Variants in RAB3C observed in about 807,000 individuals in gnomAD.
RAB3C encodes the protein ras-related protein Rab-3C.
Under a neutral mutation model 26.4 loss-of-function variants are expected in RAB3C, and 17 were observed. That is an observed-to-expected ratio of 0.64 (90% CI 0.44 to 0.97). The LOEUF (loss-of-function observed/expected upper bound fraction) is 0.97, where lower values mean the gene tolerates loss of function less well. Ranked by LOEUF, RAB3C falls within the 50% of genes least tolerant of loss-of-function variation. The probability of loss-of-function intolerance (pLI) is 0.00; values close to 1 mark genes in which losing one functional copy is unlikely to be tolerated. For missense variants in RAB3C, 242 were observed against 281.9 expected (o/e 0.86, Z 1.01); for synonymous variants, 91 against 95.9 (o/e 0.95, Z 0.30).
At chr5:58,702,215 T>C (rs1438894806) in intron 2 of RAB3C, among the ~76,000 whole-genome samples, 1 of 152,206 alleles carries the variant, frequency 6.6e-6, no homozygotes, top group Non-Finnish European at 1.5e-5. Flanking sequence ...CTTTCATAAT[T>C]TCTGTTATAG....
intron 3 of RAB3C, among the ~76,000 whole-genome samples, chr5:58,817,920 C>T (rs1036818042): frequency 1.3e-5 from 2 of 152,156 alleles, no homozygotes; most frequent in African/African-American, 4.8e-5. Context: ...AAAGCCAAAG[C>T]TCCCAAATAT....
At chr5:58,729,149 C>T (rs1196450654) in intron 3 of RAB3C, among the ~76,000 whole-genome samples, 1 of 151,978 alleles carries the variant, frequency 6.6e-6, no homozygotes, top group Non-Finnish European at 1.5e-5. Context: ...ACCTAGCGGA[C>T]TCTGCTATTA....
intron 2 of RAB3C, among the ~76,000 whole-genome samples, chr5:58,656,236 T>C (rs886566726): frequency 1.7e-4 from 26 of 152,192 alleles, no homozygotes; most frequent in Non-Finnish European, 7.3e-5. Context: ...AGTAGACTTA[T>C]AGCCCAAACC....
At chr5:58,678,175 CCTT>C (rs1354842519) in intron 2 of RAB3C, among the ~76,000 whole-genome samples, 3 of 151,952 alleles carry the variant, frequency 2.0e-5, no homozygotes, top group Non-Finnish European at 4.4e-5. Flanking sequence ...GGAACAATCT[CCTT>C]CTTTATGATG....
chr5:58,801,722 T>C (rs147170844), intron 3 of RAB3C, among the ~76,000 whole-genome samples: 2 of 152,388 alleles, frequency 1.3e-5, no homozygotes, highest in East Asian at 3.9e-4. Context: ...TTGGTTTGCT[T>C]GAAGCAGAGC....
intron 2 of RAB3C, among the ~76,000 whole-genome samples, chr5:58,653,226 T>C (rs1747696005): frequency 6.6e-6 from 1 of 152,162 alleles, no homozygotes; most frequent in African/African-American, 2.4e-5. Context: ...CATGCAGTGT[T>C]TGGTTTTCTG....
intron 1 of RAB3C, among the ~76,000 whole-genome samples, chr5:58,591,225 G>A (rs1746121827): frequency 6.6e-6 from 1 of 152,116 alleles, no homozygotes; most frequent in Non-Finnish European, 1.5e-5. Flanking sequence ...GTGCAGTGTA[G>A]TAGTCTCTAA....
At chr5:58,819,858 A>G (rs1003105381) in intron 3 of RAB3C, among the ~76,000 whole-genome samples, 9 of 152,034 alleles carry the variant, frequency 5.9e-5, no homozygotes, top group African/African-American at 2.2e-4. Flanking sequence ...ACACAGCAAG[A>G]CTCCACCTCA....
chr5:58,839,483 G>A (rs1019083329), intron 4 of RAB3C, among the ~76,000 whole-genome samples: 9 of 151,886 alleles, frequency 5.9e-5, no homozygotes, highest in Non-Finnish European at 1.2e-4. Context: ...ATATTCTCCT[G>A]CCTCAAACTC....
intron 1 of RAB3C, among the ~76,000 whole-genome samples, chr5:58,599,910 A>G (rs1308634692): frequency 6.6e-6 from 1 of 152,116 alleles, no homozygotes; most frequent in Non-Finnish European, 1.5e-5. Context: ...GTTCTTGGTC[A>G]TGAAATCCTT....
intron 2 of RAB3C, among the ~76,000 whole-genome samples, chr5:58,710,975 A>G (rs1749047911): frequency 6.6e-6 from 1 of 152,230 alleles, no homozygotes; most frequent in Non-Finnish European, 1.5e-5. Context: ...GAACACTCAT[A>G]TAATTCACTA....
rs778724445 is a variant in RAB3C at position 58,795,969 on chromosome 5, A to G, written c.372-29069A>G. On this transcript the variant is annotated intron_variant, in intron 3 of 4. Coordinates refer to ENST00000282878, the MANE Select transcript of RAB3C (RefSeq NM_138453.4). ...CACCAAAGGTTTGACTGTATTCTCTATAATTCCTAGGACAACTGCAAATTA... is the reference window on the plus strand; with the variant it reads ...CACCAAAGGTTTGACTGTATTCTCTGTAATTCCTAGGACAACTGCAAATTA... Among the ~76,000 whole-genome samples, 32 of 152,206 alleles carry G rather than the reference A, an allele frequency of 2.1e-4. 1 individual carries two copies. The highest frequency in any genetic ancestry group is 2.6e-4 in the Admixed American group (4 of 15,286).
chr5:58,813,961 A>G (rs1743157732), intron 3 of RAB3C, among the ~76,000 whole-genome samples: 1 of 152,222 alleles, frequency 6.6e-6, no homozygotes, highest in Non-Finnish European at 1.5e-5. Flanking sequence ...AAAATAGCTC[A>G]AAGATGACAA....
chr5:58,825,014 T>C, intron 3 of RAB3C, 24 bp from the exon 4 acceptor site: 4 of 1,564,492 alleles, frequency 2.6e-6, no homozygotes, highest in Non-Finnish European at 3.5e-6. Context: ...TCTGATTGTG[T>C]CATGCTTCTT....
chr5:58,722,257 T>C (rs1252691039), intron 2 of RAB3C, among the ~76,000 whole-genome samples: 1 of 151,764 alleles, frequency 6.6e-6, no homozygotes, highest in Admixed American at 6.6e-5. Flanking sequence ...GCTGAAAACA[T>C]GCTTGACAGA....
intron 3 of RAB3C, among the ~76,000 whole-genome samples, chr5:58,798,777 C>A (rs1742733898): frequency 6.6e-6 from 1 of 152,104 alleles, no homozygotes; most frequent in South Asian, 2.1e-4. Context: ...CACTTCTTGT[C>A]CCCAGCAGTT....
At chr5:58,638,266 C>CT (rs926749962) in intron 2 of RAB3C, among the ~76,000 whole-genome samples, 19 of 152,066 alleles carry the variant, frequency 1.2e-4, no homozygotes, top group African/African-American at 4.6e-4. Flanking sequence ...TTTGAGGTGT[C>CT]TTTTCATTTG....
intron 4 of RAB3C, among the ~76,000 whole-genome samples, chr5:58,848,234 G>A (rs1361318914): frequency 6.6e-6 from 1 of 152,164 alleles, no homozygotes; most frequent in Non-Finnish European, 1.5e-5. Context: ...GATGAATCTT[G>A]AGCAGTGTAA....
At chr5:58,796,470 AG>A (rs1742651217) in intron 3 of RAB3C, among the ~76,000 whole-genome samples, 1 of 152,232 alleles carries the variant, frequency 6.6e-6, no homozygotes, top group African/African-American at 2.4e-5. Context: ...TATTTAATAC[AG>A]AACCTGACAG....
Sources: allele counts gnomAD v4.1 joint callset (sites outside exome capture counted in the v4.1 genomes callset), GRCh38; gene constraint gnomAD v4.1.1; transcripts MANE v1.5; gene names NCBI Gene and HGNC (gene_info 2026-07-23, HGNC 2026-07-21).